The following PROC variants were observed in gnomAD, a reference collection of about 807,000 sequenced individuals.
PROC encodes the protein protein C, inactivator of coagulation factors Va and VIIIa.
Under a neutral mutation model 36.3 loss-of-function variants are expected in PROC, and 22 were observed. The ratio of observed to expected loss-of-function variants is 0.61; its 90% CI spans 0.43 to 0.86. PROC has a LOEUF of 0.86. Among genes scored for constraint, PROC ranks in the 40% least tolerant of loss-of-function variants. The pLI, the probability that PROC is intolerant of heterozygous loss-of-function variation, is 0.00. For missense variants in PROC, 526 were observed against 629.7 expected (o/e 0.84, Z 1.76); for synonymous variants, 218 against 244.5 (o/e 0.89, Z 1.01).
chr2:127,426,253 C>T lies in PROC; in HGVS notation c.678+26C>T, dbSNP rs1371406877. The T allele has an allele frequency of 1.2e-6, 2 of 1,613,790 alleles. No individual in the cohort carries two copies. The highest frequency in any genetic ancestry group is 2.2e-5 in the East Asian group (1 of 44,876). On this transcript the variant is annotated intron_variant, in intron 7 of 8. Coordinates refer to ENST00000234071, the MANE Select transcript of PROC (RefSeq NM_000312.4). This position sits in a 1 kb window ranked among gnomAD's most constrained non-coding sequence, Gnocchi z 7.0. Reference sequence around the variant, plus strand: ...GTGGGAGGCGAGGCAGCACCGGCTGCTCACGTGCTGGGTCCGGGATCACTG... The same window carrying T: ...GTGGGAGGCGAGGCAGCACCGGCTGTTCACGTGCTGGGTCCGGGATCACTG...
rs774340643 is a variant in PROC, at chr2:127,426,265, G to A, written c.678+38G>A. On this transcript the variant is annotated intron_variant, in intron 7 of 8. Coordinates refer to ENST00000234071, the MANE Select transcript of PROC (RefSeq NM_000312.4). The surrounding 1 kb of genome is among the most constrained non-coding windows in gnomAD (Gnocchi z 7.0). The stretch of plus-strand genomic sequence containing the variant: ...GCAGCACCGGCTGCTCACGTGCTGG[G>A]TCCGGGATCACTGAGTCCATCCTGG... The A allele has an allele frequency of 4.3e-6, 7 of 1,613,564 alleles. No individual in the cohort carries two copies. The highest frequency in any genetic ancestry group is 5.9e-6 in the Non-Finnish European group (7 of 1,179,842).
intron 2 of PROC, among the ~76,000 whole-genome samples, chr2:127,420,511 T>C (rs1360685579): frequency 6.6e-6 from 1 of 151,952 alleles, no homozygotes; most frequent in Non-Finnish European, 1.5e-5. Flanking sequence ...AGGCTGTTGG[T>C]TTCATTTGTG....
chr2:127,428,674 G>A lies in PROC; in HGVS notation c.1114G>A (p.Glu372Lys), dbSNP rs1688689313. 1.2e-6 allele frequency: 2 copies of A among 1,613,848 alleles called. No homozygotes were observed. The highest frequency in any genetic ancestry group is 1.7e-6 in the Non-Finnish European group (2 of 1,180,050). The change falls in exon 9 of 9, where the codon GAG (glutamate) becomes AAG (lysine). Residue 372 changes from glutamate (E) to lysine (K), a missense_variant. Glu to Lys is a moderately conservative substitution (Grantham distance 56). Coordinates refer to ENST00000234071, the MANE Select transcript of PROC (RefSeq NM_000312.4). ...FIKIPVVPHNECSEVMSNMVS... is the reference protein window; with the variant it reads ...FIKIPVVPHNKCSEVMSNMVS... ...CAAGATTCCCGTGGTCCCGCACAATGAGTGCAGCGAGGTCATGAGCAACAT... is the reference window on the plus strand; with the variant it reads ...CAAGATTCCCGTGGTCCCGCACAATAAGTGCAGCGAGGTCATGAGCAACAT...
chr2:127,421,067 G>A (rs1034328292), intron 2 of PROC, among the ~76,000 whole-genome samples: 4 of 152,178 alleles, frequency 2.6e-5, no homozygotes, highest in Non-Finnish European at 5.9e-5. Flanking sequence ...CCATCTCAGA[G>A]CAAGGCTTCG....
In PROC at chr2:127,421,344, C is replaced by G. The variant is rs775598456; in HGVS notation, c.132C>G (p.Asn44Lys). 1 of 1,613,820 alleles carries G rather than the reference C, an allele frequency of 6.2e-7. No homozygotes were observed. The highest frequency in any genetic ancestry group is 8.5e-7 in the Non-Finnish European group (1 of 1,179,946). The change falls in exon 3 of 9, where the codon AAC becomes AAG. Residue 44 changes from asparagine to lysine, a missense_variant. By Grantham distance (94) the Asn-to-Lys change is moderately conservative. Coordinates refer to ENST00000234071, the MANE Select transcript of PROC (RefSeq NM_000312.4). ...HQVLRIRKRA[N>K]SFLEELRHSS... is the part of the protein sequence containing the mutation. ...TGCTGCGGATCCGCAAACGTGCCAA[C>G]TCCTTCCTGGAGGAGCTCCGTCACA...
chr2:127,421,484 G>A (rs1306874625), intron 3 of PROC, 35 bp downstream of exon 3: 1 of 1,612,148 alleles, frequency 6.2e-7, no homozygotes, highest in Admixed American at 1.7e-5. Context: ...ATGAGGCTCA[G>A]GGGCGAGCTG....
intron 2 of PROC, among the ~76,000 whole-genome samples, chr2:127,420,953 G>A (rs1328831946): frequency 6.6e-6 from 1 of 152,166 alleles, no homozygotes; most frequent in African/African-American, 2.4e-5. Flanking sequence ...TTACATGACG[G>A]TCTCATCCCC....
chr2:127,425,808 A>G (rs1688456702), intron 6 of PROC, among the ~76,000 whole-genome samples: 1 of 152,182 alleles, frequency 6.6e-6, no homozygotes, highest in African/African-American at 2.4e-5. Flanking sequence ...TGAGCCTTCA[A>G]GAAGTTTAAC....
In PROC at chr2:127,421,350, C is replaced by T. The variant is rs141040323; in HGVS notation, c.138C>T (p.Phe46=). ...GGATCCGCAAACGTGCCAACTCCTT[C>T]CTGGAGGAGCTCCGTCACAGCAGCC... ...VLRIRKRANS[F]LEELRHSSLE... is the part of the protein sequence containing the mutation. Residue 46 remains phenylalanine, a synonymous_variant, in exon 3 of 9, where the codon TTC becomes TTT. Transcript: ENST00000234071. The T allele has an allele frequency of 6.2e-7, 1 of 1,613,950 alleles. No individual in the cohort carries two copies. The highest frequency in any genetic ancestry group is 1.7e-5 in the Admixed American group (1 of 60,030).
In PROC at chr2:127,421,375, C is replaced by A; in HGVS notation, c.163C>A (p.Leu55Met). ...SFLEELRHSSLERECIEEICD... is the reference protein window; with the variant it reads ...SFLEELRHSSMERECIEEICD... The stretch of plus-strand genomic sequence containing the variant: ...CCTGGAGGAGCTCCGTCACAGCAGC[C>A]TGGAGCGGGAGTGCATAGAGGAGAT... The change falls in exon 3 of 9, where the codon CTG becomes ATG. Residue 55 changes from leucine to methionine, a missense_variant. Coordinates refer to ENST00000234071, the MANE Select transcript of PROC (RefSeq NM_000312.4). The A allele has an allele frequency of 6.2e-7, 1 of 1,613,924 alleles. No individual in the cohort carries two copies. Among genetic ancestry groups the A allele is most frequent in the Non-Finnish European group, 8.5e-7 (1 of 1,179,940 alleles).
At chr2:127,420,948 T>C (rs1688056142) in intron 2 of PROC, among the ~76,000 whole-genome samples, 1 of 152,214 alleles carries the variant, frequency 6.6e-6, no homozygotes, top group East Asian at 1.9e-4. Flanking sequence ...ATGTTTTACA[T>C]GACGGTCTCA....
chr2:127,428,265 C>T, intron 8 of PROC, 92 bp from the exon 9 acceptor site: 1 of 1,283,662 alleles, frequency 7.8e-7, no homozygotes. Flanking sequence ...CTGCCCAGGC[C>T]TGCAGGGGCA....
Position 127,426,495 on chromosome 2 carries a change from G to T in PROC, c.678+268G>T, listed in dbSNP as rs1688508283. 7.8e-6 allele frequency: 4 copies of T among 515,554 alleles called. No individual in the cohort carries two copies. The highest frequency in any genetic ancestry group is 7.0e-6 in the Non-Finnish European group (2 of 285,416). The allele number at this position is 515,554 out of a possible 1,614,324, so 31.9% of individuals were successfully genotyped here. A position where few individuals can be genotyped will look rare whatever the true frequency, so the allele number is the denominator to read the frequency against. On this transcript the variant is annotated intron_variant, in intron 7 of 8. Coordinates refer to ENST00000234071, the MANE Select transcript of PROC (RefSeq NM_000312.4). This position sits in a 1 kb window ranked among gnomAD's most constrained non-coding sequence, Gnocchi z 7.0. Reference sequence around the variant, plus strand: ...TTCTAAAAAGAGCTGGAAAGACACTGCTCTGCTGGCGGGATTTTAGGCAGA... The same window carrying T: ...TTCTAAAAAGAGCTGGAAAGACACTTCTCTGCTGGCGGGATTTTAGGCAGA...
chr2:127,421,976 C>T (rs926360748), intron 3 of PROC, among the ~76,000 whole-genome samples: 1 of 152,188 alleles, frequency 6.6e-6, no homozygotes, highest in African/African-American at 2.4e-5. Flanking sequence ...GTCCTGTGGA[C>T]GTGGCCCTAG....
chr2:127,419,771 C>T (rs954243415), intron 1 of PROC, 151 bp from the exon 2 acceptor site: 3 of 1,505,768 alleles, frequency 2.0e-6, no homozygotes, highest in Non-Finnish European at 8.9e-7. Flanking sequence ...CCTTCTGAGG[C>T]TATGTCTCTA....
At chr2:127,423,498 G>A in intron 6 of PROC, 90 bp downstream of exon 6, 1 of 1,475,554 alleles carries the variant, frequency 6.8e-7, no homozygotes, top group Non-Finnish European at 9.0e-7. Flanking sequence ...GGGCTCAGGA[G>A]GGTTTCTAGG....
rs772880922 is a variant in PROC at position 127,423,295 on chromosome 2, C to A, written c.422C>A (p.Ser141Ter). Residue 141 changes from serine to a stop codon, truncating the protein, a stop_gained, in exon 6 of 9, where the codon TCG becomes TAG. Coordinates refer to ENST00000234071, the MANE Select transcript of PROC (RefSeq NM_000312.4). LOFTEE classifies it high-confidence loss of function. ...GCAGAGGTGAGCTTCCTCAATTGCT[C>A]GCTGGACAACGGCGGCTGCACGCAT... ...CQREVSFLNC[S>*]LDNGGCTHYC... 2 of 1,550,286 alleles carry A rather than the reference C, an allele frequency of 1.3e-6. No individual in the cohort carries two copies. The highest frequency in any genetic ancestry group is 1.7e-6 in the Non-Finnish European group (2 of 1,147,064).
intron 6 of PROC, 47 bp downstream of exon 6, chr2:127,423,455 G>A (rs1193292050): frequency 1.2e-5 from 19 of 1,536,846 alleles, no homozygotes; most frequent in East Asian, 2.5e-5. Context: ...TGGGTGCAGG[G>A]TGGGCAGGCC....
intron 7 of PROC, 54 bp from the exon 8 acceptor site, chr2:127,427,051 A>C: frequency 2.7e-6 from 4 of 1,475,650 alleles, no homozygotes; most frequent in Non-Finnish European, 2.8e-6. Flanking sequence ...GGTGCCCTGG[A>C]CTGGAGGCTG....
Sources: gnomAD v4.1 joint callset for allele counts (sites outside exome capture counted in the v4.1 genomes callset) on GRCh38, gnomAD v4.1.1 for gene constraint, Gnocchi (gnomAD v3.1) non-coding constraint, MANE v1.5 for transcripts, NCBI Gene and HGNC (gene_info 2026-07-23, HGNC 2026-07-21) for gene names.